MAPK10: variants seen among roughly 807,000 people sequenced by gnomAD.
The protein encoded by MAPK10 is mitogen-activated protein kinase 10, also known as JNK3 alpha protein kinase.
A neutral mutation model predicts 59.3 loss-of-function variants in MAPK10; 25 were observed. The ratio of observed to expected loss-of-function variants is 0.42; its 90% CI spans 0.31 to 0.59. MAPK10 has a LOEUF of 0.59. Among genes scored for constraint, MAPK10 ranks in the 20% least tolerant of loss-of-function variants. The pLI is 0.15. For missense variants in MAPK10, 351 were observed against 568.9 expected (o/e 0.62, Z 3.90); for synonymous variants, 190 against 200.5 (o/e 0.95, Z 0.44).
At chr4:86,509,499 G>A (rs886537050) in intron 1 of MAPK10, among the ~76,000 whole-genome samples, 7 of 150,674 alleles carry the variant, frequency 4.6e-5, no homozygotes, top group African/African-American at 1.7e-4. Context: ...CTGCCAAAAT[G>A]CTTCCCTGTC....
intron 1 of MAPK10, among the ~76,000 whole-genome samples, chr4:86,426,773 C>G (rs1045761480): frequency 6.6e-6 from 1 of 151,994 alleles, no homozygotes; most frequent in African/African-American, 2.4e-5. Flanking sequence ...CTGAATTTGC[C>G]CATCTTTAAA....
At chr4:86,161,118 C>T (rs758131804) in intron 3 of MAPK10, among the ~76,000 whole-genome samples, 20 of 151,912 alleles carry the variant, frequency 1.3e-4, no homozygotes, top group Non-Finnish European at 2.5e-4. Context: ...AAGATTGCAT[C>T]GGATATGGTG....
At chr4:86,469,837 G>C (rs1752519552) in intron 1 of MAPK10, among the ~76,000 whole-genome samples, 1 of 152,028 alleles carries the variant, frequency 6.6e-6, no homozygotes, top group Admixed American at 6.6e-5. Context: ...ATTTTTTTAA[G>C]ACTAAGAGGT....
chr4:86,392,977 T>C (rs957019189), intron 1 of MAPK10, among the ~76,000 whole-genome samples: 2 of 152,236 alleles, frequency 1.3e-5, no homozygotes, highest in African/African-American at 2.4e-5. Context: ...TAAAATTCTA[T>C]ATATTATTCT....
intron 2 of MAPK10, among the ~76,000 whole-genome samples, chr4:86,303,955 T>C (rs1225774819): frequency 6.6e-6 from 1 of 152,158 alleles, no homozygotes; most frequent in East Asian, 1.9e-4. Flanking sequence ...CACACACCTA[T>C]GGAATCAACA....
intron 1 of MAPK10, among the ~76,000 whole-genome samples, chr4:86,528,469 C>T (rs1480980240): frequency 1.3e-5 from 2 of 152,030 alleles, no homozygotes; most frequent in East Asian, 3.9e-4. Context: ...TATTTTTAAA[C>T]CTTTAAATAA....
intron 2 of MAPK10, chr4:86,220,068 C>T (rs1234787518): frequency 1.3e-5 from 2 of 152,134 alleles, no homozygotes; most frequent in African/African-American, 2.4e-5. Flanking sequence ...CATTGAGTTA[C>T]ATTTACTATT....
At chr4:86,326,137 C>G (rs1438186293) in intron 2 of MAPK10, 2 of 152,114 alleles carry the variant, frequency 1.3e-5, no homozygotes, top group Non-Finnish European at 2.9e-5. Context: ...TGTGCCTTAC[C>G]CAGTCAGAGG....
intron 9 of MAPK10, among the ~76,000 whole-genome samples, chr4:86,097,211 G>T (rs2054397691): frequency 6.6e-6 from 1 of 151,830 alleles, no homozygotes; most frequent in Admixed American, 6.6e-5. Context: ...ATAATTTCAA[G>T]TGCTGAATAA....
chr4:86,451,241 G>GT (rs1438454500), intron 1 of MAPK10, among the ~76,000 whole-genome samples: 1 of 152,116 alleles, frequency 6.6e-6, no homozygotes, highest in Non-Finnish European at 1.5e-5. Flanking sequence ...CGGTTTTTAA[G>GT]TTTTTATGTC....
intron 2 of MAPK10, among the ~76,000 whole-genome samples, chr4:86,259,355 A>G (rs941410278): frequency 6.6e-6 from 1 of 152,128 alleles, no homozygotes; most frequent in African/African-American, 2.4e-5. Context: ...CAGACAACAC[A>G]AACACAAAAT....
chr4:86,418,082 C>T (rs1332638938), intron 1 of MAPK10, among the ~76,000 whole-genome samples: 1 of 151,994 alleles, frequency 6.6e-6, no homozygotes, highest in African/African-American at 2.4e-5. Flanking sequence ...AAACAAACCA[C>T]TAACTCCCTC....
In MAPK10 at chr4:86,058,012, A is replaced by G. The variant is rs530234913; in HGVS notation, c.1110+6254T>C. Among the ~76,000 whole-genome samples the G allele has an allele frequency of 2.7e-5, 4 of 150,084 alleles. 1 individual carries two copies. In the South Asian group the frequency reaches 6.3e-4, roughly 23 times the overall value. On this transcript the variant is annotated intron_variant, in intron 11 of 13. Coordinates refer to ENST00000641462, the MANE Select transcript of MAPK10 (RefSeq NM_138982.4). ...ACAATCGAAAGAGTGACATCAACACATAAAAGGAAGGAAGTGCACATTCAG... is the reference window on the plus strand; with the variant it reads ...ACAATCGAAAGAGTGACATCAACACGTAAAAGGAAGGAAGTGCACATTCAG...
chr4:86,230,357 C>A (rs950736889), intron 2 of MAPK10, among the ~76,000 whole-genome samples: 1 of 152,152 alleles, frequency 6.6e-6, no homozygotes, highest in African/African-American at 2.4e-5. Flanking sequence ...CAGCACACAA[C>A]ACATAAAGAA....
chr4:86,300,823 T>C (rs2095456158), intron 2 of MAPK10: 1 of 151,724 alleles, frequency 6.6e-6, no homozygotes, highest in African/African-American at 2.4e-5. Context: ...ACTGAGAGTC[T>C]GTCTCTCTCT....
chr4:86,217,586 G>A (rs549544846), intron 2 of MAPK10, among the ~76,000 whole-genome samples: 14 of 152,162 alleles, frequency 9.2e-5, no homozygotes, highest in African/African-American at 2.4e-4. Flanking sequence ...GCCATCATCC[G>A]ACACACAGAA....
chr4:86,157,042 T>G (rs1209526985), intron 4 of MAPK10, among the ~76,000 whole-genome samples: 2 of 152,050 alleles, frequency 1.3e-5, no homozygotes, highest in African/African-American at 4.8e-5. Context: ...ATGCTCAACA[T>G]TGACATTTTT....
chr4:86,209,746 T>A (rs1196330609), intron 2 of MAPK10, among the ~76,000 whole-genome samples: 1 of 150,672 alleles, frequency 6.6e-6, no homozygotes, highest in Non-Finnish European at 1.5e-5. Flanking sequence ...AAAGTACCAA[T>A]GACATTCTTC....
intron 9 of MAPK10, 178 bp downstream of exon 9, chr4:86,098,346 C>T: frequency 1.4e-6 from 1 of 694,418 alleles, no homozygotes; most frequent in Non-Finnish European, 2.1e-6. Context: ...TAAAAGAAAT[C>T]ATTGTGGTAG....
Sources: allele counts gnomAD v4.1 joint callset (sites outside exome capture counted in the v4.1 genomes callset), GRCh38; gene constraint gnomAD v4.1.1; transcripts MANE v1.5; gene names NCBI Gene and HGNC (gene_info 2026-07-23, HGNC 2026-07-21).